Variants in AP2A1 observed in about 807,000 individuals in gnomAD.
AP2A1 encodes adaptor related protein complex 2 subunit alpha 1.
AP2A1 carries 21 observed loss-of-function variants against 107.3 expected under a neutral mutation model. That is an observed-to-expected ratio of 0.20 (90% CI 0.14 to 0.28). The LOEUF is 0.28. Among genes scored for constraint, AP2A1 ranks in the 10% least tolerant of loss-of-function variants. The pLI is 1.00. For missense variants in AP2A1, 873 were observed against 1,307.7 expected (o/e 0.67, Z 5.13); for synonymous variants, 602 against 564.8 (o/e 1.07, Z -0.93).
chr19:49,779,336 C>CAA (rs34194805), intron 1 of AP2A1, among the ~76,000 whole-genome samples: 4 of 79,456 alleles, frequency 5.0e-5, no homozygotes, highest in African/African-American at 1.0e-4. Flanking sequence ...GACTCCGTCT[C>CAA]AAAAAAAAAA....
Position 49,799,941 on chromosome 19 carries a change from A to G in AP2A1, c.1273-27A>G, listed in dbSNP as rs73590490. Reference sequence around the variant, plus strand: ...GAAAGCCCGACATGGCCTGCGGCACACTCTCTCTCACACGCCCCGGCGGCA... The same window carrying G: ...GAAAGCCCGACATGGCCTGCGGCACGCTCTCTCTCACACGCCCCGGCGGCA... On this transcript the variant is annotated intron_variant, in intron 10 of 22. Transcript: ENST00000354293. The G allele has an allele frequency of 1.4e-3, 2,235 of 1,607,510 alleles. 39 individuals are homozygous for G. In the African/African-American group the frequency reaches 0.026, roughly 19 times the overall value.
intron 4 of AP2A1, among the ~76,000 whole-genome samples, chr19:49,791,281 G>A (rs1445900121): frequency 6.6e-6 from 1 of 152,148 alleles, no homozygotes; most frequent in Non-Finnish European, 1.5e-5. Flanking sequence ...GCTAGAGGGA[G>A]TGCAGTGGCA....
intron 1 of AP2A1, among the ~76,000 whole-genome samples, chr19:49,774,647 G>T (rs1346988673): frequency 6.6e-6 from 1 of 152,112 alleles, no homozygotes; most frequent in African/African-American, 2.4e-5. Context: ...CAGGGGCCAG[G>T]TATGGTGGCT....
Position 49,799,429 on chromosome 19 carries a change from G to T in AP2A1, c.1068G>T (p.Leu356=), listed in dbSNP as rs1484539415. 1 of 1,611,722 alleles carries T rather than the reference G, an allele frequency of 6.2e-7. No homozygotes were observed. The highest frequency in any genetic ancestry group is 2.2e-5 in the East Asian group (1 of 44,810). Residue 356 remains leucine (L), a synonymous_variant, in exon 9 of 23, where the codon CTG becomes CTT. Coordinates refer to ENST00000354293, the MANE Select transcript of AP2A1 (RefSeq NM_130787.3). ...RYLALESMCT[L]ASSEFSHEAV... ...TGGCCCTGGAGAGCATGTGCACGCT[G>T]GCCAGCTCCGAGTTCTCCCATGAAG...
Position 49,772,500 on chromosome 19 carries a change from CT to C in AP2A1, c.67+5312del, listed in dbSNP as rs1022336619. Among the ~76,000 whole-genome samples the C allele has an allele frequency of 1.6e-3, 189 of 115,314 alleles. 1 individual carries two copies. The highest frequency in any genetic ancestry group is 6.8e-3 in the Middle Eastern group (1 of 148). The allele number at this position is 115,314 out of a possible 152,430, so 75.7% of individuals were successfully genotyped here. A position where few individuals can be genotyped will look rare whatever the true frequency, so the allele number is the denominator to read the frequency against. On this transcript the variant is annotated intron_variant, in intron 1 of 22. Transcript: ENST00000354293. The stretch of plus-strand genomic sequence containing the variant: ...GCCCCCTTCTCTATTTTCAAGAATT[CT>C]TTTTTTTTTTTGGAAACGGAGTCTC...
intron 4 of AP2A1, among the ~76,000 whole-genome samples, chr19:49,790,373 A>C: frequency 6.6e-6 from 1 of 152,194 alleles, no homozygotes; most frequent in Non-Finnish European, 1.5e-5. Flanking sequence ...TGGATCACCC[A>C]GGATCCTCTC....
Position 49,806,178 on chromosome 19 carries a change from G to A in AP2A1, c.2715G>A (p.Val905=). 1 of 1,592,286 alleles carries A rather than the reference G, an allele frequency of 6.3e-7. No homozygotes were observed. Among genetic ancestry groups the A allele is most frequent in the Non-Finnish European group, 8.5e-7 (1 of 1,169,984 alleles). The change falls in exon 22 of 23, where the codon GTG becomes GTA. Residue 905 remains valine, a synonymous_variant. Coordinates refer to ENST00000354293, the MANE Select transcript of AP2A1 (RefSeq NM_130787.3). ...TGGACCCCAACCCTGAGAACTTCGT[G>A]GGGGCGGGGATCATCCAGACTAAAG... The part of the protein sequence containing the change: ...DNVDPNPENF[V]GAGIIQTKAL...
intron 3 of AP2A1, 45 bp downstream of exon 3, chr19:49,782,134 G>A (rs1266322636): frequency 3.4e-6 from 5 of 1,466,438 alleles, no homozygotes; most frequent in Non-Finnish European, 2.8e-6. Flanking sequence ...TCCTGGGTCT[G>A]CGGGGGAGGG....
chr19:49,806,281 C>T (rs757120120), intron 22 of AP2A1, 28 bp downstream of exon 22: 2 of 1,572,514 alleles, frequency 1.3e-6, no homozygotes, highest in African/African-American at 1.4e-5. Context: ...AGGCCTGAGG[C>T]CGGCAGGAAG....
chr19:49,775,166 TGCAATGAGTCAAGATC>T (rs2084605039), intron 1 of AP2A1, among the ~76,000 whole-genome samples: 1 of 152,130 alleles, frequency 6.6e-6, no homozygotes, highest in Non-Finnish European at 1.5e-5. Flanking sequence ...AGGTCGAGGT[TGCAATGAGTCAAGATC>T]GCACCACCAC....
At chr19:49,806,345 G>A (rs930288080) in intron 22 of AP2A1, 92 bp downstream of exon 22, 83 of 1,432,878 alleles carry the variant, frequency 5.8e-5, no homozygotes, top group Non-Finnish European at 7.2e-5. Context: ...TTTAATTCAC[G>A]TCCCCACTTT....
At chr19:49,779,487 C>CAAAAAAAA (rs370114853) in intron 1 of AP2A1, among the ~76,000 whole-genome samples, 39 of 83,726 alleles carry the variant, frequency 4.7e-4, no homozygotes, top group Admixed American at 6.2e-4. Context: ...GCCTGGGCTA[C>CAAAAAAAA]AAAAAAAAAA....
intron 18 of AP2A1, chr19:49,803,931 A>G: frequency 6.3e-6 from 1 of 158,146 alleles, no homozygotes; most frequent in Non-Finnish European, 1.4e-5. Context: ...GAAATTAGAA[A>G]AGCTCGACCT....
At chr19:49,799,014 C>T (rs1472016780) in intron 8 of AP2A1, 62 bp downstream of exon 8, 16 of 1,542,476 alleles carry the variant, frequency 1.0e-5, no homozygotes, top group Admixed American at 2.0e-5. Context: ...CATGGAGGCC[C>T]GGACTCCTGA....
intron 1 of AP2A1, among the ~76,000 whole-genome samples, chr19:49,770,340 C>G (rs34301541): frequency 2.6e-5 from 4 of 152,054 alleles, no homozygotes; most frequent in African/African-American, 9.7e-5. Flanking sequence ...GGAATTAGGG[C>G]TGGAGAATCA....
chr19:49,799,104 T>C (rs920431375), intron 8 of AP2A1, among the ~76,000 whole-genome samples, 152 bp downstream of exon 8: 1 of 152,120 alleles, frequency 6.6e-6, no homozygotes, highest in Admixed American at 6.5e-5. Flanking sequence ...ACCTGTGAGG[T>C]TGGTGCTGGG....
chr19:49,772,430 G>A (rs1039931057), intron 1 of AP2A1, among the ~76,000 whole-genome samples: 1 of 150,794 alleles, frequency 6.6e-6, no homozygotes, highest in Admixed American at 6.6e-5. Context: ...TGCCTACCTC[G>A]GCCTCCCGAA....
intron 1 of AP2A1, among the ~76,000 whole-genome samples, chr19:49,767,614 AGG>A (rs780680785): frequency 7.9e-5 from 12 of 152,064 alleles, no homozygotes; most frequent in African/African-American, 1.2e-4. Context: ...AAGAGGCCAG[AGG>A]GGACCTGGAG....
rs1480807389 is a variant in AP2A1, at chr19:49,782,562, C to G, written c.311C>G (p.Ser104Trp). The G allele has an allele frequency of 6.2e-7, 1 of 1,613,730 alleles. No individual in the cohort carries two copies. The highest frequency in any genetic ancestry group is 1.3e-5 in the African/African-American group (1 of 74,928). ...CTGTTCATTTCTGTGCTGGTGAACT[C>G]GAACTCGGAGCTGATCCGCCTCATC... ...GYLFISVLVN[S>W]NSELIRLINN... Residue 104 changes from serine to tryptophan, a missense_variant, in exon 4 of 23, where the codon TCG becomes TGG. Transcript: ENST00000354293.
Sources: gnomAD v4.1 joint callset for allele counts (sites outside exome capture counted in the v4.1 genomes callset) on GRCh38, gnomAD v4.1.1 for gene constraint, MANE v1.5 for transcripts, NCBI Gene and HGNC (gene_info 2026-07-23, HGNC 2026-07-21) for gene names.